LRPPRC: variants seen among roughly 807,000 people sequenced by gnomAD.
The protein encoded by LRPPRC is leucine-rich PPR motif-containing protein, mitochondrial.
A neutral mutation model predicts 180.3 loss-of-function variants in LRPPRC; 120 were observed. The observed-to-expected ratio is 0.67, with a 90% CI of 0.57 to 0.77. The LOEUF (loss-of-function observed/expected upper bound fraction) is 0.77. Ranked by LOEUF, LRPPRC falls within the 30% of genes least tolerant of loss-of-function variation. The pLI, the probability that LRPPRC is intolerant of heterozygous loss-of-function variation, is 0.00. For synonymous variants in LRPPRC, 723 were observed against 600.0 expected (o/e 1.21, Z -3.00); for missense variants, 2,012 against 1,657.2 (o/e 1.21, Z -3.72).
intron 14 of LRPPRC, among the ~76,000 whole-genome samples, chr2:43,952,012 G>A (rs1312793904): frequency 6.6e-6 from 1 of 152,118 alleles, no homozygotes; most frequent in Non-Finnish European, 1.5e-5. Context: ...TGACTAACAT[G>A]GAGAAACCCC....
intron 1 of LRPPRC, among the ~76,000 whole-genome samples, chr2:43,994,480 C>CACT (rs1303138692): frequency 2.0e-5 from 3 of 152,154 alleles, no homozygotes; most frequent in African/African-American, 7.2e-5. Flanking sequence ...ATATTCCTAA[C>CACT]ACTACTACTA....
intron 29 of LRPPRC, among the ~76,000 whole-genome samples, chr2:43,913,862 T>C (rs1244148423): frequency 6.6e-6 from 1 of 152,194 alleles, no homozygotes; most frequent in Admixed American, 6.5e-5. Context: ...CCACTATCAT[T>C]TACTGATTAT....
At chr2:43,968,326 T>C (rs1673649180) in intron 11 of LRPPRC, among the ~76,000 whole-genome samples, 1 of 152,234 alleles carries the variant, frequency 6.6e-6, no homozygotes, top group Non-Finnish European at 1.5e-5. Flanking sequence ...AGGCAATATG[T>C]GTCGAAGCAC....
intron 1 of LRPPRC, among the ~76,000 whole-genome samples, chr2:43,988,466 G>A (rs1311538592): frequency 6.6e-6 from 1 of 152,144 alleles, no homozygotes; most frequent in African/African-American, 2.4e-5. Context: ...AACCTGGGAG[G>A]CAGAGGTTGC....
intron 14 of LRPPRC, among the ~76,000 whole-genome samples, chr2:43,952,727 C>A (rs1345948971): frequency 6.6e-6 from 1 of 152,104 alleles, no homozygotes; most frequent in African/African-American, 2.4e-5. Flanking sequence ...CTTTGTTTCC[C>A]AGAAGAGGAA....
chr2:43,933,914 C>G (rs1377823225), intron 25 of LRPPRC, among the ~76,000 whole-genome samples: 3 of 152,118 alleles, frequency 2.0e-5, no homozygotes, highest in Non-Finnish European at 2.9e-5. Context: ...AATTGTTCCA[C>G]AATCCAAGAT....
chr2:43,956,652 G>T (rs1673129298), intron 14 of LRPPRC, among the ~76,000 whole-genome samples: 1 of 152,178 alleles, frequency 6.6e-6, no homozygotes, highest in Non-Finnish European at 1.5e-5. Context: ...CACTTTGGGA[G>T]GCCGAGGCAG....
chr2:43,978,751 T>C (rs530719302), intron 3 of LRPPRC, among the ~76,000 whole-genome samples: 9 of 152,140 alleles, frequency 5.9e-5, no homozygotes, highest in Non-Finnish European at 1.2e-4. Flanking sequence ...CTTTATCCTG[T>C]AGTTTTTTTC....
In LRPPRC at chr2:43,959,329, G is replaced by A. The variant is rs532465971; in HGVS notation, c.1582+1212C>T. 23 of 637,282 alleles carry A rather than the reference G, an allele frequency of 3.6e-5. No homozygotes were observed. In the African/African-American group the frequency reaches 4.0e-4, roughly 11 times the overall value. The allele number at this position is 637,282 out of a possible 1,614,324, so 39.5% of individuals were successfully genotyped here. A position where few individuals can be genotyped will look rare whatever the true frequency, so the allele number is the denominator to read the frequency against. ...TACAACAGTCACCATTTTTCATACT[G>A]GACACTTTGCCTTTCCCTTACAATA... On this transcript the variant is annotated intron_variant, in intron 13 of 37. Coordinates refer to ENST00000260665, the MANE Select transcript of LRPPRC (RefSeq NM_133259.4).
intron 13 of LRPPRC, 76 bp downstream of exon 13, chr2:43,960,465 G>C: frequency 1.2e-6 from 1 of 843,148 alleles, no homozygotes. Context: ...CTTTCATTGC[G>C]TGAACCACCC....
Position 43,898,851 on chromosome 2 carries a change from G to A in LRPPRC, c.3825+368C>T, listed in dbSNP as rs139201678. ...GCCATGGTGACGCACAGTATCTAGC[G>A]CATTTGAGAAATTAAAGTAGAAAAT... On this transcript the variant is annotated intron_variant, in intron 34 of 37. Coordinates refer to ENST00000260665, the MANE Select transcript of LRPPRC (RefSeq NM_133259.4). Among the ~76,000 whole-genome samples the A allele has an allele frequency of 7.0e-4, 107 of 152,212 alleles. 2 individuals are homozygous for A. The East Asian group carries it at 9.1e-3, about 13-fold the overall frequency.
chr2:43,983,655 T>C (rs1674407315), intron 1 of LRPPRC, among the ~76,000 whole-genome samples: 1 of 152,144 alleles, frequency 6.6e-6, no homozygotes, highest in Admixed American at 6.5e-5. Context: ...AACAACTAAG[T>C]ATAATATAAT....
chr2:43,889,239 T>G (rs777256547), intron 37 of LRPPRC, among the ~76,000 whole-genome samples: 1 of 123,190 alleles, frequency 8.1e-6, no homozygotes, highest in African/African-American at 3.1e-5. Flanking sequence ...CGCTTGGACC[T>G]GGGAGGCGGA....
chr2:43,977,608 A>G (rs1674118377), intron 3 of LRPPRC, among the ~76,000 whole-genome samples: 1 of 152,190 alleles, frequency 6.6e-6, no homozygotes, highest in African/African-American at 2.4e-5. Context: ...TTTTCTATAT[A>G]AAGCAGTCCT....
At chr2:43,921,002 A>C (rs1671680219) in intron 27 of LRPPRC, among the ~76,000 whole-genome samples, 1 of 152,152 alleles carries the variant, frequency 6.6e-6, no homozygotes, top group Non-Finnish European at 1.5e-5. Context: ...TATTAAAATA[A>C]GACTTGTGGG....
At chr2:43,933,527 G>C (rs975367245) in intron 25 of LRPPRC, among the ~76,000 whole-genome samples, 1 of 152,156 alleles carries the variant, frequency 6.6e-6, no homozygotes, top group Non-Finnish European at 1.5e-5. Flanking sequence ...TGTTTTCTTA[G>C]TGGACACAGA....
chr2:43,928,481 G>C (rs1033820189), intron 25 of LRPPRC, among the ~76,000 whole-genome samples: 8 of 152,042 alleles, frequency 5.3e-5, no homozygotes, highest in African/African-American at 1.9e-4. Context: ...ACTTCTGCTG[G>C]AGATGTCAAA....
Position 43,892,556 on chromosome 2 carries a change from G to A in LRPPRC, c.3985+1989C>T, listed in dbSNP as rs529987054. The stretch of plus-strand genomic sequence containing the variant: ...CAAAATATTACTGCTCAGTGATAAT[G>A]CACCTGGTCACCCAAGAGCTCTGAA... On this transcript the variant is annotated intron_variant, in intron 36 of 37. Transcript: ENST00000260665. 8 of 152,340 alleles carry A rather than the reference G, an allele frequency of 5.3e-5. No homozygotes were observed. In the East Asian group the frequency reaches 7.7e-4, roughly 15 times the overall value. 9.4% of individuals were successfully genotyped at this position (152,340 alleles called of 1,614,324 possible).
intron 1 of LRPPRC, among the ~76,000 whole-genome samples, chr2:43,987,981 A>C (rs1161487341): frequency 6.6e-6 from 1 of 152,114 alleles, no homozygotes; most frequent in East Asian, 1.9e-4. Flanking sequence ...CGGTAGCTCA[A>C]GCCTGTAATC....
Sources: allele counts gnomAD v4.1 joint callset (sites outside exome capture counted in the v4.1 genomes callset), GRCh38; gene constraint gnomAD v4.1.1; transcripts MANE v1.5; gene names NCBI Gene and HGNC (gene_info 2026-07-23, HGNC 2026-07-21).